C22orf39: variants seen among roughly 807,000 people sequenced by gnomAD.
C22orf39 encodes chromosome 22 open reading frame 39.
Under a neutral mutation model 18.3 loss-of-function variants are expected in C22orf39, and 20 were observed. That is an observed-to-expected ratio of 1.09 (90% CI 0.77 to 1.59). C22orf39 has a LOEUF of 1.59. C22orf39 is among the 40% of genes most tolerant of loss of function. The probability of loss-of-function intolerance (pLI) is 0.00; values close to 1 mark genes in which losing one functional copy is unlikely to be tolerated. For synonymous variants in C22orf39, 63 were observed against 59.6 expected (o/e 1.06, Z -0.26); for missense variants, 195 against 156.1 (o/e 1.25, Z -1.33).
rs1170231578 is a variant in C22orf39, at chr22:19,447,501, G to A, written c.69C>T (p.Cys23=). The A allele has an allele frequency of 4.0e-6, 6 of 1,495,326 alleles. No homozygotes were observed. Among genetic ancestry groups the A allele is most frequent in the South Asian group, 2.5e-5 (2 of 78,482 alleles). The allele number at this position is 1,495,326 out of a possible 1,614,324, so 92.6% of individuals were successfully genotyped here. A position where few individuals can be genotyped will look rare whatever the true frequency, so the allele number is the denominator to read the frequency against. Residue 23 remains cysteine (C), a synonymous_variant, in exon 2 of 3, where the codon TGC becomes TGT. Transcript: ENST00000399562. ...CEAYRAEWKL[C]RSARHFLHHY... Reference sequence around the variant, plus strand: ...GGTGTAGGAAGTGCCTGGCGCTGCGGCAGAGCTTCCACTCGGCGCGGTAGG... The same window carrying A: ...GGTGTAGGAAGTGCCTGGCGCTGCGACAGAGCTTCCACTCGGCGCGGTAGG...
intron 2 of C22orf39, 115 bp downstream of exon 2, chr22:19,447,263 G>A (rs2089646416): frequency 9.9e-6 from 11 of 1,115,986 alleles, no homozygotes; most frequent in Non-Finnish European, 1.3e-5. Context: ...AGCGTGAGGA[G>A]GATAGGGACC....
intron 2 of C22orf39, 22 bp downstream of exon 2, chr22:19,447,356 G>A: frequency 1.4e-6 from 2 of 1,464,144 alleles, no homozygotes; most frequent in East Asian, 2.8e-5. Flanking sequence ...CCGAAGCGCC[G>A]CCCCGCTCCC....
intron 2 of C22orf39, among the ~76,000 whole-genome samples, chr22:19,446,386 C>T (rs1017555896): frequency 1.3e-5 from 2 of 152,152 alleles, no homozygotes; most frequent in Admixed American, 6.5e-5. Context: ...TCACTGTATA[C>T]ACTTAATAAT....
At position 19,441,889 on chromosome 22, in the gene C22orf39, G is replaced by C; in HGVS notation, c.*2376C>G. The C allele has an allele frequency of 1.7e-6, 1 of 599,688 alleles. No homozygotes were observed. Among genetic ancestry groups the C allele is most frequent in the South Asian group, 2.4e-5 (1 of 42,158 alleles). The allele number at this position is 599,688 out of a possible 1,614,324, so 37.1% of individuals were successfully genotyped here. On this transcript the variant is annotated 3_prime_UTR_variant, in exon 3 of 3. Transcript: ENST00000399562. ...GGCTCACTGCAGCCTCAAACTCCTG[G>C]GCTCAAACAATCCTCCTATCTCAGC...
rs543528132 is a variant in C22orf39, at chr22:19,445,467, T to G, written c.193-1077A>C. ...TAATTAGCATTCTAACTTTTAACTG[T>G]ACACTGTTATCCAATTACTTCCCTG... On this transcript the variant is annotated intron_variant, in intron 2 of 2. Coordinates refer to ENST00000399562, the MANE Select transcript of C22orf39 (RefSeq NM_173793.5). Among the ~76,000 whole-genome samples the G allele has an allele frequency of 5.9e-5, 9 of 152,360 alleles. No homozygotes were observed. In the South Asian group the frequency reaches 8.3e-4, roughly 14 times the overall value.
chr22:19,443,005 T>C lies in C22orf39; in HGVS notation c.*1260A>G. 2.3e-6 allele frequency: 1 copy of C among 437,526 alleles called. No homozygotes were observed. Among genetic ancestry groups the C allele is most frequent in the Non-Finnish European group, 3.0e-6 (1 of 329,582 alleles). The allele number at this position is 437,526 out of a possible 1,614,324, so 27.1% of individuals were successfully genotyped here. A position where few individuals can be genotyped will look rare whatever the true frequency, so the allele number is the denominator to read the frequency against. Reference sequence around the variant, plus strand: ...AGGCACCCTGGTTGCCTTAGACACATCAGTACTCCCCTGATGATGGGGGAA... The same window carrying C: ...AGGCACCCTGGTTGCCTTAGACACACCAGTACTCCCCTGATGATGGGGGAA... On this transcript the variant is annotated 3_prime_UTR_variant, in exon 3 of 3. Coordinates refer to ENST00000399562, the MANE Select transcript of C22orf39 (RefSeq NM_173793.5).
intron 2 of C22orf39, 122 bp downstream of exon 2, chr22:19,447,256 G>T (rs1249381373): frequency 3.9e-6 from 4 of 1,038,510 alleles, no homozygotes; most frequent in African/African-American, 3.4e-5. Context: ...GAAAGGAAGC[G>T]TGAGGAGGAT....
Position 19,441,868 on chromosome 22 carries a change from C to T in C22orf39, c.*2397G>A, listed in dbSNP as rs899192747. On this transcript the variant is annotated 3_prime_UTR_variant, in exon 3 of 3. Transcript: ENST00000399562. The stretch of plus-strand genomic sequence containing the variant: ...AGTGCAGTGGGGCACAATCATGGCT[C>T]ACTGCAGCCTCAAACTCCTGGGCTC... 2.7e-6 allele frequency: 2 copies of T among 744,332 alleles called. No individual in the cohort carries two copies. Among genetic ancestry groups the T allele is most frequent in the South Asian group, 2.0e-5 (1 of 49,218 alleles). The allele number at this position is 744,332 out of a possible 1,614,324, so 46.1% of individuals were successfully genotyped here. A position where few individuals can be genotyped will look rare whatever the true frequency, so the allele number is the denominator to read the frequency against.
intron 2 of C22orf39, among the ~76,000 whole-genome samples, chr22:19,446,054 C>A (rs113652221): frequency 1.3e-4 from 19 of 151,856 alleles, no homozygotes; most frequent in African/African-American, 4.1e-4. Context: ...TGGGCTCAAG[C>A]GATCCCCTTG....
chr22:19,447,601 G>A, intron 1 of C22orf39, 56 bp from the exon 2 acceptor site: 2 of 1,571,968 alleles, frequency 1.3e-6, no homozygotes, highest in Admixed American at 1.8e-5. Flanking sequence ...TACGCCCCGA[G>A]CCAGTCCCGT....
chr22:19,443,099 T>G lies in C22orf39; in HGVS notation c.*1166A>C. 1.1e-5 allele frequency: 2 copies of G among 186,798 alleles called. No individual in the cohort carries two copies. Among genetic ancestry groups the G allele is most frequent in the Non-Finnish European group, 1.4e-5 (2 of 144,314 alleles). 11.6% of individuals were successfully genotyped at this position (186,798 alleles called of 1,614,324 possible). A position where few individuals can be genotyped will look rare whatever the true frequency, so the allele number is the denominator to read the frequency against. On this transcript the variant is annotated 3_prime_UTR_variant, in exon 3 of 3. Coordinates refer to ENST00000399562, the MANE Select transcript of C22orf39 (RefSeq NM_173793.5). ...GCACAACCCCCACCCCCACCCCCAC[T>G]GTTCACAGACACAGGGGCTCTTAGG...
rs1455781438 is a variant in C22orf39, at chr22:19,442,468, G to A, written c.*1797C>T. On this transcript the variant is annotated 3_prime_UTR_variant, in exon 3 of 3. Transcript: ENST00000399562. ...GAAGCCCCTCATGGACTGGGGTGCT[G>A]GCTGGCATGCCCTGGCTTTTGCTGC... The A allele has an allele frequency of 6.6e-6, 1 of 152,356 alleles. No homozygotes were observed. The highest frequency in any genetic ancestry group is 2.4e-5 in the African/African-American group (1 of 41,466). The allele number at this position is 152,356 out of a possible 1,614,324, so 9.4% of individuals were successfully genotyped here.
Position 19,447,445 on chromosome 22 carries a change from C to G in C22orf39, c.125G>C (p.Cys42Ser). The G allele has an allele frequency of 1.3e-6, 2 of 1,513,058 alleles. No individual in the cohort carries two copies. The highest frequency in any genetic ancestry group is 2.5e-5 in the South Asian group (2 of 81,336). 93.7% of individuals were successfully genotyped at this position (1,513,058 alleles called of 1,614,324 possible). A position where few individuals can be genotyped will look rare whatever the true frequency, so the allele number is the denominator to read the frequency against. ...HYYVHGERPA[C>S]EQWQRDLASC... ...GGCCAGGTCGCGCTGCCACTGTTCG[C>G]AGGCCGGCCGCTCGCCGTGGACGTA... Residue 42 changes from cysteine to serine, a missense_variant, in exon 2 of 3, where the codon TGC becomes TCC. Coordinates refer to ENST00000399562, the MANE Select transcript of C22orf39 (RefSeq NM_173793.5).
chr22:19,444,726 T>A (rs779458119), intron 2 of C22orf39, among the ~76,000 whole-genome samples: 2 of 151,986 alleles, frequency 1.3e-5, no homozygotes, highest in Admixed American at 1.3e-4. Context: ...CTGCTGAGAG[T>A]GAGCCTGGGG....
chr22:19,446,044 T>TG (rs1449293165), intron 2 of C22orf39, among the ~76,000 whole-genome samples: 1 of 152,196 alleles, frequency 6.6e-6, no homozygotes, highest in Non-Finnish European at 1.5e-5. Flanking sequence ...CTCAAGCTCC[T>TG]GGGCTCAAGC....
In C22orf39 at chr22:19,441,788, A is replaced by T; in HGVS notation, c.*2477T>A. The T allele has an allele frequency of 1.4e-6, 2 of 1,435,232 alleles. No individual in the cohort carries two copies. The highest frequency in any genetic ancestry group is 9.3e-7 in the Non-Finnish European group (1 of 1,079,432). The allele number at this position is 1,435,232 out of a possible 1,614,324, so 88.9% of individuals were successfully genotyped here. On this transcript the variant is annotated 3_prime_UTR_variant, in exon 3 of 3. Transcript: ENST00000399562. ...ATACCAAACTGCTTCAGAAATTACCACCATTTTATTTTTATTTATTTTGAG... is the reference window on the plus strand; with the variant it reads ...ATACCAAACTGCTTCAGAAATTACCTCCATTTTATTTTTATTTATTTTGAG...
Position 19,441,202 on chromosome 22 carries a change from C to G in C22orf39, c.*3063G>C, listed in dbSNP as rs1308456038. Reference sequence around the variant, plus strand: ...AGGACTCCCTCGTATGAACCACCCCCTCACCATCCCTAACCTAAACCCCTG... The same window carrying G: ...AGGACTCCCTCGTATGAACCACCCCGTCACCATCCCTAACCTAAACCCCTG... On this transcript the variant is annotated 3_prime_UTR_variant, in exon 3 of 3. Transcript: ENST00000399562. The G allele has an allele frequency of 6.3e-6, 1 of 158,882 alleles. No individual in the cohort carries two copies. Among genetic ancestry groups the G allele is most frequent in the Non-Finnish European group, 1.4e-5 (1 of 72,250 alleles). The allele number at this position is 158,882 out of a possible 1,614,324, so 9.8% of individuals were successfully genotyped here.
chr22:19,443,096 CACTGTT>C lies in C22orf39; in HGVS notation c.*1163_*1168del. The C allele has an allele frequency of 3.5e-6, 3 of 851,072 alleles. No individual in the cohort carries two copies. Among genetic ancestry groups the C allele is most frequent in the South Asian group, 5.3e-5 (1 of 18,716 alleles). 52.7% of individuals were successfully genotyped at this position (851,072 alleles called of 1,614,324 possible). A position where few individuals can be genotyped will look rare whatever the true frequency, so the allele number is the denominator to read the frequency against. On this transcript the variant is annotated 3_prime_UTR_variant, in exon 3 of 3. Coordinates refer to ENST00000399562, the MANE Select transcript of C22orf39 (RefSeq NM_173793.5). ...TGAGCACAACCCCCACCCCCACCCCCACTGTTCACAGACACAGGGGCTCTTAGGGAG... is the reference window on the plus strand; with the variant it reads ...TGAGCACAACCCCCACCCCCACCCCCCACAGACACAGGGGCTCTTAGGGAG...
chr22:19,447,275 C>G, intron 2 of C22orf39, 103 bp downstream of exon 2: 8 of 1,216,764 alleles, frequency 6.6e-6, no homozygotes, highest in Non-Finnish European at 8.6e-6. Flanking sequence ...ATAGGGACCC[C>G]GTCAGTCCCC....
Sources: gnomAD v4.1 joint callset for allele counts (sites outside exome capture counted in the v4.1 genomes callset) on GRCh38, gnomAD v4.1.1 for gene constraint, MANE v1.5 for transcripts, NCBI Gene and HGNC (gene_info 2026-07-23, HGNC 2026-07-21) for gene names.